Variants in RPN2 observed in about 807,000 individuals in gnomAD.
RPN2 encodes ribophorin II, also known as dolichyl-diphosphooligosaccharide--protein glycosyltransferase subunit 2.
RPN2 carries 29 observed loss-of-function variants against 71.4 expected under a neutral mutation model. That is an observed-to-expected ratio of 0.41 (90% CI 0.30 to 0.55). The LOEUF is 0.55. Among genes scored for constraint, RPN2 ranks in the 20% least tolerant of loss-of-function variants. The probability of loss-of-function intolerance (pLI) is 0.35; values close to 1 mark genes in which losing one functional copy is unlikely to be tolerated. For synonymous variants in RPN2, 308 were observed against 305.0 expected, an observed-to-expected ratio of 1.01 and a Z score of -0.10; for missense variants, 726 against 774.1, an observed-to-expected ratio of 0.94 and a Z score of 0.74.
At chr20:37,203,484 G>A (rs1263034118) in intron 4 of RPN2, among the ~76,000 whole-genome samples, 1 of 151,210 alleles carries the variant, frequency 6.6e-6, no homozygotes, top group African/African-American at 2.4e-5. Context: ...GGGACTACAA[G>A]CACACGCTAC....
At chr20:37,194,599 A>C (rs968989209) in intron 2 of RPN2, among the ~76,000 whole-genome samples, 1 of 152,194 alleles carries the variant, frequency 6.6e-6, no homozygotes, top group Non-Finnish European at 1.5e-5. Context: ...GAGTTTTGTT[A>C]ATACATTATA....
chr20:37,196,540 T>C (rs553145057), intron 2 of RPN2, among the ~76,000 whole-genome samples: 2 of 152,050 alleles, frequency 1.3e-5, no homozygotes, highest in South Asian at 4.2e-4. Context: ...GCCTTTTTCT[T>C]TTTTTTGAGA....
Position 37,236,958 on chromosome 20 carries a change from TA to T in RPN2, c.1883+250del, listed in dbSNP as rs11477462. Among the ~76,000 whole-genome samples, 117,360 of 151,968 alleles carry T rather than the reference TA, an allele frequency of 0.77. 45,770 individuals carry two copies. The highest frequency in any genetic ancestry group is 0.9 in the Middle Eastern group (265 of 294). On this transcript the variant is annotated intron_variant, in intron 16 of 16. Coordinates refer to ENST00000237530, the MANE Select transcript of RPN2 (RefSeq NM_002951.5). ...CAATAGAATGAGAGAGGAAAATTATTAGCTTTATGAAGATGAAAATGCATTC... is the reference window on the plus strand; with the variant it reads ...CAATAGAATGAGAGAGGAAAATTATTGCTTTATGAAGATGAAAATGCATTC...
At chr20:37,207,244 GAA>G (rs751416286) in intron 6 of RPN2, 27 bp from the exon 7 acceptor site, 18 of 1,594,130 alleles carry the variant, frequency 1.1e-5, no homozygotes, top group Non-Finnish European at 1.5e-5. Context: ...CAGAGGAAGA[GAA>G]ACAGCTGCAT....
At chr20:37,192,661 A>G (rs2067168411) in intron 2 of RPN2, among the ~76,000 whole-genome samples, 1 of 152,226 alleles carries the variant, frequency 6.6e-6, no homozygotes, top group Non-Finnish European at 1.5e-5. Context: ...ATGTTGTCTA[A>G]TAGCTGAGAC....
chr20:37,230,824 A>G (rs112981091), intron 13 of RPN2, among the ~76,000 whole-genome samples: 3,248 of 152,158 alleles, frequency 0.021, 52 homozygotes, highest in Middle Eastern at 0.034. Flanking sequence ...TAAGAATGTA[A>G]AATGCAGCTA....
chr20:37,225,577 TG>T (rs1180031735), intron 10 of RPN2, 110 bp from the exon 11 acceptor site: 14 of 756,750 alleles, frequency 1.9e-5, no homozygotes, highest in Non-Finnish European at 3.1e-5. Flanking sequence ...ACAACAGAAG[TG>T]TTACTATGGG....
At position 37,184,106 on chromosome 20, in the gene RPN2, G is replaced by A. The variant is rs912644765; in HGVS notation, c.14-74G>A. 7.7e-6 allele frequency: 12 copies of A among 1,551,692 alleles called. No homozygotes were observed. In the East Asian group the frequency reaches 1.6e-4, roughly 20 times the overall value. ...TGTGATTTGGTTCCCAGATCTTGGT[G>A]TGCATCATCATTGGGACTGTGTATA... is the stretch of plus-strand genomic sequence containing the variant. On this transcript the variant is annotated intron_variant, in intron 1 of 16. Transcript: ENST00000237530.
chr20:37,238,814 T>A, intron 16 of RPN2: 2 of 540,910 alleles, frequency 3.7e-6, no homozygotes, highest in Non-Finnish European at 7.3e-6. Flanking sequence ...CAAAATTCAT[T>A]AAATGACGGT....
chr20:37,224,994 T>G (rs1035998387), intron 10 of RPN2, among the ~76,000 whole-genome samples: 1 of 152,208 alleles, frequency 6.6e-6, no homozygotes, highest in Non-Finnish European at 1.5e-5. Flanking sequence ...TGGTCTTACT[T>G]ACGAGTAAAT....
chr20:37,183,926 G>T (rs2066940123), intron 1 of RPN2, among the ~76,000 whole-genome samples: 1 of 152,226 alleles, frequency 6.6e-6, no homozygotes, highest in African/African-American at 2.4e-5. Context: ...AGGACTTACA[G>T]ACATCTTTCA....
intron 4 of RPN2, chr20:37,200,323 G>T: frequency 2.9e-6 from 1 of 346,706 alleles, no homozygotes; most frequent in East Asian, 8.9e-5. Flanking sequence ...AGTGGAGATG[G>T]GGCCTGTCTG....
intron 2 of RPN2, among the ~76,000 whole-genome samples, chr20:37,194,085 A>C (rs142747067): frequency 6.6e-6 from 1 of 152,086 alleles, no homozygotes; most frequent in East Asian, 1.9e-4. Flanking sequence ...ATTGTTGAGG[A>C]GTGAGCACTG....
At chr20:37,224,440 T>G (rs16986481) in intron 10 of RPN2, among the ~76,000 whole-genome samples, 7,020 of 152,178 alleles carry the variant, frequency 0.046, 454 homozygotes, top group African/African-American at 0.14. Context: ...CTGAAATTAG[T>G]TGGAAGCCTC....
chr20:37,232,226 C>A (rs2068266820), intron 13 of RPN2, 70 bp from the exon 14 acceptor site: 1 of 1,577,318 alleles, frequency 6.3e-7, no homozygotes, highest in African/African-American at 1.3e-5. Flanking sequence ...ATGCTTTGGT[C>A]CCCGGTATAC....
At chr20:37,211,880 G>C (rs924498701) in intron 8 of RPN2, among the ~76,000 whole-genome samples, 20 of 152,072 alleles carry the variant, frequency 1.3e-4, no homozygotes, top group Non-Finnish European at 1.8e-4. Context: ...TGGGATTACA[G>C]GCACCTGCCA....
chr20:37,229,281 G>A (rs1434201721), intron 12 of RPN2, among the ~76,000 whole-genome samples: 1 of 152,222 alleles, frequency 6.6e-6, no homozygotes, highest in East Asian at 1.9e-4. Context: ...GAGAGTAAAC[G>A]TCTTGCAAGA....
rs2066771508 is a variant in RPN2, at chr20:37,179,348, C to G, written c.-9C>G. The G allele has an allele frequency of 1.0e-6, 1 of 999,560 alleles. No homozygotes were observed. The highest frequency in any genetic ancestry group is 3.6e-5 in the African/African-American group (1 of 27,798). 61.9% of individuals were successfully genotyped at this position (999,560 alleles called of 1,614,324 possible). A position where few individuals can be genotyped will look rare whatever the true frequency, so the allele number is the denominator to read the frequency against. ...GCGGCTCGGACTCCGGCGGGACCTG[C>G]TCGGAGGAATGGCGCCGCCGGGTGA... On this transcript the variant is annotated 5_prime_UTR_variant, in exon 1 of 17. Coordinates refer to ENST00000237530, the MANE Select transcript of RPN2 (RefSeq NM_002951.5).
At chr20:37,184,933 T>C (rs1169251947) in intron 2 of RPN2, among the ~76,000 whole-genome samples, 1 of 152,220 alleles carries the variant, frequency 6.6e-6, no homozygotes, top group Non-Finnish European at 1.5e-5. Context: ...AAACTTTTAC[T>C]TCAGCTCTGG....
Sources: gnomAD v4.1 joint callset for allele counts (sites outside exome capture counted in the v4.1 genomes callset) on GRCh38, gnomAD v4.1.1 for gene constraint, MANE v1.5 for transcripts, NCBI Gene and HGNC (gene_info 2026-07-23, HGNC 2026-07-21) for gene names.